Variants in LMX1A observed in about 807,000 individuals in gnomAD.
LMX1A encodes the protein LIM homeobox transcription factor 1-alpha.
Under a neutral mutation model 49.1 loss-of-function variants are expected in LMX1A, and 15 were observed. The observed-to-expected ratio is 0.31, with a 90% CI of 0.20 to 0.47. LMX1A has a LOEUF of 0.47. Ranked by LOEUF, LMX1A falls within the 20% of genes least tolerant of loss-of-function variation. The probability of loss-of-function intolerance (pLI) is 1.00; values close to 1 mark genes in which losing one functional copy is unlikely to be tolerated. For synonymous variants in LMX1A, 167 were observed against 185.7 expected (o/e 0.90, Z 0.82); for missense variants, 372 against 475.8 (o/e 0.78, Z 2.03).
At chr1:165,295,714 C>T (rs944755259) in intron 3 of LMX1A, among the ~76,000 whole-genome samples, 1 of 152,072 alleles carries the variant, frequency 6.6e-6, no homozygotes, top group Admixed American at 6.6e-5. Context: ...AGGTATTAAA[C>T]CCATAAGCAG....
chr1:165,329,400 CTGCT>C (rs1655675377), intron 3 of LMX1A, among the ~76,000 whole-genome samples: 1 of 146,894 alleles, frequency 6.8e-6, no homozygotes, highest in Non-Finnish European at 1.5e-5. Flanking sequence ...TGCAAATACA[CTGCT>C]TGATCTCCAA....
At chr1:165,273,280 C>T (rs1177804926) in intron 3 of LMX1A, among the ~76,000 whole-genome samples, 2 of 152,170 alleles carry the variant, frequency 1.3e-5, no homozygotes, top group African/African-American at 4.8e-5. Flanking sequence ...CAAGCCCTTC[C>T]AAGAAGTGAC....
intron 3 of LMX1A, among the ~76,000 whole-genome samples, chr1:165,301,730 A>G (rs912303802): frequency 4.6e-5 from 7 of 152,378 alleles, no homozygotes; most frequent in Non-Finnish European, 8.8e-5. Flanking sequence ...ACACAGAAAC[A>G]AAACAAAACA....
intron 4 of LMX1A, among the ~76,000 whole-genome samples, chr1:165,222,977 G>T (rs534031995): frequency 6.6e-6 from 1 of 152,174 alleles, no homozygotes; most frequent in African/African-American, 2.4e-5. Flanking sequence ...GAGGAGGTTT[G>T]GGAGGAAATG....
At chr1:165,290,887 T>C (rs2101714961) in intron 3 of LMX1A, among the ~76,000 whole-genome samples, 1 of 152,296 alleles carries the variant, frequency 6.6e-6, no homozygotes, top group African/African-American at 2.4e-5. Flanking sequence ...TTAACAAGCT[T>C]TCCAGGTGAT....
chr1:165,296,212 G>A (rs1225896138), intron 3 of LMX1A, among the ~76,000 whole-genome samples: 1 of 152,244 alleles, frequency 6.6e-6, no homozygotes, highest in Non-Finnish European at 1.5e-5. Context: ...CAAAGTGCAA[G>A]TCTCAGATAC....
intron 8 of LMX1A, among the ~76,000 whole-genome samples, chr1:165,204,602 C>G (rs995264344): frequency 6.6e-6 from 1 of 152,172 alleles, no homozygotes; most frequent in African/African-American, 2.4e-5. Flanking sequence ...ATTGGAACAG[C>G]TGAGAAATCA....
At chr1:165,338,725 T>A (rs1017899381) in intron 3 of LMX1A, among the ~76,000 whole-genome samples, 16 of 152,226 alleles carry the variant, frequency 1.1e-4, no homozygotes, top group African/African-American at 3.6e-4. Flanking sequence ...TGATATCAAA[T>A]AACCTGTCAC....
intron 3 of LMX1A, among the ~76,000 whole-genome samples, chr1:165,349,943 T>C (rs1018816143): frequency 2.0e-5 from 3 of 152,192 alleles, no homozygotes; most frequent in Admixed American, 6.5e-5. Flanking sequence ...TTTGTTAATA[T>C]TATGCCTATG....
At chr1:165,345,601 T>C (rs1456167522) in intron 3 of LMX1A, among the ~76,000 whole-genome samples, 4 of 152,158 alleles carry the variant, frequency 2.6e-5, no homozygotes, top group African/African-American at 9.7e-5. Context: ...AGAAAGGTTT[T>C]TAGAGGCCCG....
intron 8 of LMX1A, among the ~76,000 whole-genome samples, 195 bp from the exon 9 acceptor site, chr1:165,204,235 A>G (rs779217778): frequency 2.0e-5 from 3 of 152,224 alleles, no homozygotes; most frequent in Non-Finnish European, 2.9e-5. Flanking sequence ...CCAGGATATG[A>G]CAAAGTGCTA....
At position 165,213,509 on chromosome 1, in the gene LMX1A, G is replaced by A. The variant is rs74678183; in HGVS notation, c.669+132C>T. The A allele has an allele frequency of 9.2e-3, 7,449 of 809,068 alleles. 372 individuals are homozygous for A. The African/African-American group carries it at 0.11, about 12-fold the overall frequency. The allele number at this position is 809,068 out of a possible 1,614,324, so 50.1% of individuals were successfully genotyped here. ...CTGGAGTCTCCAACAGGCTTGAGCCGCCTGTGCAGGCTCTGTCTGAACAGC... is the reference window on the plus strand; with the variant it reads ...CTGGAGTCTCCAACAGGCTTGAGCCACCTGTGCAGGCTCTGTCTGAACAGC... On this transcript the variant is annotated intron_variant, in intron 5 of 8. Coordinates refer to ENST00000342310, the MANE Select transcript of LMX1A (RefSeq NM_177398.4).
At chr1:165,288,472 C>T (rs1225089541) in intron 3 of LMX1A, among the ~76,000 whole-genome samples, 1 of 152,004 alleles carries the variant, frequency 6.6e-6, no homozygotes, top group East Asian at 1.9e-4. Context: ...GTCTCCTCGG[C>T]AGCGGCTGCC....
intron 3 of LMX1A, among the ~76,000 whole-genome samples, chr1:165,276,996 G>A (rs1267543156): frequency 6.6e-6 from 1 of 152,212 alleles, no homozygotes; most frequent in Non-Finnish European, 1.5e-5. Flanking sequence ...TGCAAGGCAT[G>A]CCACAATTGT....
chr1:165,206,921 G>A (rs1651108013), intron 7 of LMX1A, among the ~76,000 whole-genome samples: 1 of 152,172 alleles, frequency 6.6e-6, no homozygotes, highest in South Asian at 2.1e-4. Flanking sequence ...GGCTGCAAGA[G>A]TCAAATTCTG....
intron 3 of LMX1A, among the ~76,000 whole-genome samples, chr1:165,275,831 G>T (rs1312379512): frequency 1.4e-5 from 2 of 145,420 alleles, no homozygotes; most frequent in Non-Finnish European, 3.0e-5. Context: ...CTTTTATGGC[G>T]CTGGGGTGTG....
intron 3 of LMX1A, among the ~76,000 whole-genome samples, chr1:165,284,695 T>C (rs1654253605): frequency 6.6e-6 from 1 of 152,230 alleles, no homozygotes; most frequent in African/African-American, 2.4e-5. Context: ...GCAAGATTTA[T>C]AGGCTTGTCT....
intron 4 of LMX1A, among the ~76,000 whole-genome samples, chr1:165,239,368 A>G (rs1443846011): frequency 6.6e-6 from 1 of 152,258 alleles, no homozygotes; most frequent in African/African-American, 2.4e-5. Flanking sequence ...AATTATAGCA[A>G]GGACTGAACC....
At position 165,203,355 on chromosome 1, in the gene LMX1A, G is replaced by A. The variant is rs1189530141; in HGVS notation, c.*525C>T. 6.5e-6 allele frequency: 1 copy of A among 152,698 alleles called. No homozygotes were observed. Among genetic ancestry groups the A allele is most frequent in the Non-Finnish European group, 1.5e-5 (1 of 68,090 alleles). The allele number at this position is 152,698 out of a possible 1,614,324, so 9.5% of individuals were successfully genotyped here. A position where few individuals can be genotyped will look rare whatever the true frequency, so the allele number is the denominator to read the frequency against. ...AATTATCTCATTTTATAACTTAAGT[G>A]CATCAAGCATTTCCTTAAATATAGT... On this transcript the variant is annotated 3_prime_UTR_variant, in exon 9 of 9. Transcript: ENST00000342310.
Sources: gnomAD v4.1 joint callset for allele counts (sites outside exome capture counted in the v4.1 genomes callset) on GRCh38, gnomAD v4.1.1 for gene constraint, MANE v1.5 for transcripts, NCBI Gene and HGNC (gene_info 2026-07-23, HGNC 2026-07-21) for gene names.